The following ZNF717 variants were observed in gnomAD, a reference collection of about 807,000 sequenced individuals.
The protein encoded by ZNF717 is zinc finger protein 717.
A neutral mutation model predicts 13.8 loss-of-function variants in ZNF717; 9 were observed. The ratio of observed to expected loss-of-function variants is 0.65; its 90% CI spans 0.39 to 1.14. ZNF717 has a LOEUF of 1.14. Among genes scored for constraint, ZNF717 ranks in the 50% most tolerant of loss-of-function variants. The probability of loss-of-function intolerance (pLI) is 0.01; values close to 1 mark genes in which losing one functional copy is unlikely to be tolerated. For missense variants in ZNF717, 1,040 were observed against 1,080.7 expected, an observed-to-expected ratio of 0.96 and a Z score of 0.53; for synonymous variants, 327 against 364.1, an observed-to-expected ratio of 0.90 and a Z score of 1.16.
chr3:75,760,712 A>G (rs1441530034), intron 2 of ZNF717, among the ~76,000 whole-genome samples: 2 of 152,202 alleles, frequency 1.3e-5, no homozygotes, highest in Non-Finnish European at 2.9e-5. Flanking sequence ...AATTAAAAAG[A>G]AGAAAGATCT....
chr3:75,739,775 A>G (rs1940125760), intron 4 of ZNF717, among the ~76,000 whole-genome samples: 1 of 152,172 alleles, frequency 6.6e-6, no homozygotes, highest in Non-Finnish European at 1.5e-5. Flanking sequence ...TGGGTCAGCA[A>G]CTGGTAGGTA....
At chr3:75,739,751 T>C (rs1430588888) in intron 4 of ZNF717, among the ~76,000 whole-genome samples, 10 of 152,004 alleles carry the variant, frequency 6.6e-5, no homozygotes, top group Admixed American at 3.9e-4. Flanking sequence ...TCTTTGAAGA[T>C]AGCCAGTTTT....
chr3:75,759,984 C>T (rs575156405), intron 2 of ZNF717, among the ~76,000 whole-genome samples: 4 of 152,204 alleles, frequency 2.6e-5, no homozygotes, highest in Non-Finnish European at 4.4e-5. Flanking sequence ...CTTAGGAGAT[C>T]ATAGTTTCTA....
intron 2 of ZNF717, among the ~76,000 whole-genome samples, chr3:75,771,502 A>C (rs575534733): frequency 1.2e-4 from 18 of 152,244 alleles, no homozygotes; most frequent in African/African-American, 4.3e-4. Flanking sequence ...CAGGACTGCT[A>C]GGGCCTCCGG....
At position 75,703,864 on chromosome 3, in the gene ZNF717, C is replaced by T. The variant is rs1369363240; in HGVS notation, n.1085+7323G>A. 2.3e-4 allele frequency among the ~76,000 whole-genome samples: 35 copies of T among 152,362 alleles called. No homozygotes were observed. The East Asian group carries it at 6.6e-3, about 29-fold the overall frequency. On this transcript the variant is annotated intron_variant and non_coding_transcript_variant, in intron 6 of 6. Coordinates refer to the ZNF717 transcript ENST00000648506. ...CTTAATATGAGTAGCTAGGTACTCA[C>T]AAGGCATCTAGAAGGTTAATACTCA...
At chr3:75,761,523 C>T (rs1338362028) in intron 2 of ZNF717, among the ~76,000 whole-genome samples, 1 of 152,202 alleles carries the variant, frequency 6.6e-6, no homozygotes, top group Non-Finnish European at 1.5e-5. Context: ...GGAATTTCTA[C>T]TCAGAATAAT....
chr3:75,771,414 T>C (rs1356273121), intron 2 of ZNF717, among the ~76,000 whole-genome samples: 1 of 152,244 alleles, frequency 6.6e-6, no homozygotes, highest in Non-Finnish European at 1.5e-5. Flanking sequence ...CATTCATTGC[T>C]CAATTAAGCT....
At chr3:75,761,467 C>T (rs1051439232) in intron 2 of ZNF717, among the ~76,000 whole-genome samples, 43 of 152,360 alleles carry the variant, frequency 2.8e-4, no homozygotes, top group Non-Finnish European at 4.4e-4. Context: ...GGATCAGGAA[C>T]AAGATAGCAA....
At chr3:75,707,625 G>A (rs78738647), downstream of ZNF717, among the ~76,000 whole-genome samples, 6 of 123,664 alleles carry the variant, frequency 4.9e-5, no homozygotes, top group Middle Eastern at 4.2e-3. Context: ...TGCAGTGCAC[G>A]GTGCACAAGC....
At chr3:75,701,810 A>C (rs1197646995) in intron 6 of ZNF717, among the ~76,000 whole-genome samples, 3 of 152,304 alleles carry the variant, frequency 2.0e-5, no homozygotes, top group African/African-American at 7.2e-5. Context: ...ATCTAATTAA[A>C]GAGTGGACAA....
intron 2 of ZNF717, among the ~76,000 whole-genome samples, chr3:75,779,215 G>C (rs1363958549): frequency 6.6e-6 from 1 of 151,590 alleles, no homozygotes. Flanking sequence ...CAAAACAATG[G>C]GAGTGATCTG....
intron 2 of ZNF717, among the ~76,000 whole-genome samples, chr3:75,771,215 A>C (rs1036882223): frequency 5.3e-5 from 8 of 152,212 alleles, no homozygotes; most frequent in Non-Finnish European, 5.9e-5. Context: ...TAAGCACTGT[A>C]ACCAGTCCAG....
chr3:75,769,116 TC>T (rs1412680192), intron 2 of ZNF717, among the ~76,000 whole-genome samples: 3 of 152,080 alleles, frequency 2.0e-5, no homozygotes, highest in African/African-American at 4.8e-5. Context: ...CTAATCACCT[TC>T]CCCCCTTGAA....
chr3:75,720,936 ATATT>A (rs372301525), intron 4 of ZNF717, among the ~76,000 whole-genome samples: 2 of 152,220 alleles, frequency 1.3e-5, no homozygotes, highest in East Asian at 1.9e-4. Flanking sequence ...ATAATTATCA[ATATT>A]TATTAAGATT....
downstream of ZNF717, among the ~76,000 whole-genome samples, chr3:75,735,260 A>G (rs1188310155): frequency 6.6e-6 from 1 of 152,222 alleles, no homozygotes; most frequent in Non-Finnish European, 1.5e-5. Flanking sequence ...AAGTAACTGA[A>G]CTGGTATAGT....
At chr3:75,708,768 C>T (rs1313789939), downstream of ZNF717, among the ~76,000 whole-genome samples, 2 of 152,096 alleles carry the variant, frequency 1.3e-5, no homozygotes, top group Non-Finnish European at 2.9e-5. Context: ...CAGAGAAGAG[C>T]ATTGCTGTAA....
At chr3:75,770,971 G>A (rs888316398) in intron 2 of ZNF717, among the ~76,000 whole-genome samples, 2 of 152,176 alleles carry the variant, frequency 1.3e-5, no homozygotes, top group African/African-American at 4.8e-5. Context: ...CTGTCAGTGA[G>A]GTCATAATAG....
chr3:75,785,163 G>A (rs905647457), intron 1 of ZNF717: 1 of 152,310 alleles, frequency 6.6e-6, no homozygotes, highest in Non-Finnish European at 1.5e-5. Context: ...AATGGGGAAC[G>A]TCTCCCGAGA....
chr3:75,735,383 G>A (rs200411325), downstream of ZNF717, among the ~76,000 whole-genome samples: 21 of 152,032 alleles, frequency 1.4e-4, no homozygotes, highest in African/African-American at 4.8e-4. Context: ...AGGTATAGTG[G>A]CTCTTGCCAA....
Sources: gnomAD v4.1 joint callset for allele counts (sites outside exome capture counted in the v4.1 genomes callset) on GRCh38, gnomAD v4.1.1 for gene constraint, MANE v1.5 for transcripts, NCBI Gene and HGNC (gene_info 2026-07-23, HGNC 2026-07-21) for gene names.